ERI2: variants seen among roughly 807,000 people sequenced by gnomAD.
The protein encoded by ERI2 is ERI1 exoribonuclease 2.
In ERI2, 35 loss-of-function variants were observed where a neutral mutation model predicts 46.8. The ratio of observed to expected loss-of-function variants is 0.75; its 90% confidence interval spans 0.57 to 0.99. ERI2 has a LOEUF of 0.99. Among genes scored for constraint, ERI2 ranks in the 50% least tolerant of loss-of-function variants. The pLI is 0.00. For missense variants in ERI2, 695 were observed against 796.2 expected, an observed-to-expected ratio of 0.87 and a Z score of 1.53; for synonymous variants, 224 against 271.0, an observed-to-expected ratio of 0.83 and a Z score of 1.70.
Position 20,798,418 on chromosome 16 carries a change from A to G in ERI2, c.1382T>C (p.Ile461Thr). The change falls in exon 9 of 9, where the codon ATA becomes ACA. Residue 461 changes from isoleucine to threonine, a missense_variant. Ile to Thr is a moderately conservative substitution (Grantham distance 89). Coordinates refer to ENST00000357967, the MANE Select transcript of ERI2 (RefSeq NM_001142725.2). ...CTCAGATTTTTGAGGAGTTTCCTCT[A>G]TGTCTCCAAAGTTTTCATGACTTGA... ...EMSSHENFGDIEETPQKSETS... is the reference protein window; with the variant it reads ...EMSSHENFGDTEETPQKSETS... 1 of 1,550,662 alleles carries G rather than the reference A, an allele frequency of 6.4e-7. No individual in the cohort carries two copies.
At position 20,786,318 on chromosome 16, in the gene ERI2, T is replaced by C. The variant is rs1014405114; in HGVS notation, c.894+3161A>G. ...AATATGTGAAAATGATTAGAAATGT[T>C]AGCTTCTTGGTCTCCATTATTTTGC... On this transcript the variant is annotated intron_variant, in intron 10 of 10. Transcript: ENST00000300005. The C allele has an allele frequency of 4.4e-6, 6 of 1,356,478 alleles. No individual in the cohort carries two copies. The Admixed American group carries it at 1.3e-4, about 29-fold the overall frequency. 84.0% of individuals were successfully genotyped at this position (1,356,478 alleles called of 1,614,324 possible).
At chr16:20,788,414 G>A (rs1053519886) in intron 10 of ERI2, among the ~76,000 whole-genome samples, 2 of 152,130 alleles carry the variant, frequency 1.3e-5, no homozygotes, top group African/African-American at 4.8e-5. Flanking sequence ...ATTAATTTGA[G>A]CCCAGTGGTT....
chr16:20,798,631 A>G lies in ERI2; in HGVS notation c.1169T>C (p.Val390Ala). 1.3e-6 allele frequency: 2 copies of G among 1,551,666 alleles called. No individual in the cohort carries two copies. Among genetic ancestry groups the G allele is most frequent in the Non-Finnish European group, 1.7e-6 (2 of 1,146,934 alleles). The change falls in exon 9 of 9, where the codon GTT (valine) becomes GCT (alanine). Residue 390 changes from valine to alanine, a missense_variant. Val to Ala is a moderately conservative substitution (Grantham distance 64). Transcript: ENST00000357967. ...AGTAGAGCTCATTTCCAAATCAGAA[A>G]CATGATGAACAGTTGGAACGGTGGT... Reference protein sequence around the residue: ...VSTTVPTVHHVSDLEMSSTLD... With the variant: ...VSTTVPTVHHASDLEMSSTLD...
intron 10 of ERI2, chr16:20,781,807 A>T (rs13306604): frequency 0.14 from 221,034 of 1,562,098 alleles, 16,404 homozygotes; most frequent in Middle Eastern, 0.23. Context: ...GTTAGTAAAT[A>T]GGCATCTAGT....
exon 11 of ERI2, chr16:20,780,480 C>A: frequency 1.3e-6 from 1 of 753,506 alleles, no homozygotes; most frequent in Non-Finnish European, 2.1e-6. Context: ...GAATAAAAAG[C>A]TAGGAAAGCA....
chr16:20,801,122 G>T, intron 5 of ERI2, 81 bp downstream of exon 5: 1 of 1,224,600 alleles, frequency 8.2e-7, no homozygotes, highest in Non-Finnish European at 1.1e-6. Context: ...TTCTAGGTTA[G>T]CAAGTATAAA....
Position 20,796,584 on chromosome 16 carries a change from C to T in ERI2, c.*1140G>A. 6.4e-7 allele frequency: 1 copy of T among 1,572,776 alleles called. No homozygotes were observed. On this transcript the variant is annotated 3_prime_UTR_variant, in exon 9 of 9. Transcript: ENST00000357967. ...TTAATGAATATTTTCTTCACACATG[C>T]TGCACCACATGTCCCAAACTGAACT...
At chr16:20,803,151 A>AAATATAAAAACCATATGG (rs1467718453) in intron 3 of ERI2, among the ~76,000 whole-genome samples, 1 of 152,260 alleles carries the variant, frequency 6.6e-6, no homozygotes, top group South Asian at 2.1e-4. Flanking sequence ...ATAATTAAAT[A>AAATATAAAAACCATATGG]AATATAAAAA....
chr16:20,801,306 T>A lies in ERI2; in HGVS notation c.357A>T (p.Lys119Asn). The A allele has an allele frequency of 6.2e-7, 1 of 1,611,988 alleles. No homozygotes were observed. Among genetic ancestry groups the A allele is most frequent in the South Asian group, 1.1e-5 (1 of 90,600 alleles). Residue 119 changes from lysine (K) to asparagine (N), a missense_variant, in exon 5 of 9, where the codon AAA becomes AAT. Physicochemically the swap from Lys to Asn is moderately conservative, Grantham distance 94. Coordinates refer to ENST00000357967, the MANE Select transcript of ERI2 (RefSeq NM_001142725.2). ...TCTGTTGCTGAATCTTATGAATCCA[T>A]TTACAGAACTGAGATAAGCAAATCT... is the stretch of plus-strand genomic sequence containing the variant. The part of the protein sequence containing the change: ...PLKICLSQFC[K>N]WIHKIQQQKN...
In ERI2 at chr16:20,799,020, TG is replaced by T; in HGVS notation, c.779del (p.Thr260LysfsTer27). 1 of 1,526,708 alleles carries T rather than the reference TG, an allele frequency of 6.6e-7. No homozygotes were observed. Among genetic ancestry groups the T allele is most frequent in the Non-Finnish European group, 8.8e-7 (1 of 1,140,160 alleles). The allele number at this position is 1,526,708 out of a possible 1,614,324, so 94.6% of individuals were successfully genotyped here. A position where few individuals can be genotyped will look rare whatever the true frequency, so the allele number is the denominator to read the frequency against. On this transcript the variant is annotated frameshift_variant, in exon 9 of 9. Coordinates refer to ENST00000357967, the MANE Select transcript of ERI2 (RefSeq NM_001142725.2). LOFTEE classifies it low-confidence loss of function (END_TRUNC). ...AGGCAGACATTTCTTCAACTTGAAT[TG>T]TATTCAAATTTCTGGCCAGAATGCT... is the stretch of plus-strand genomic sequence containing the variant. The part of the protein sequence containing the change: ...NFSILARNLN[T>X]IQVEEMSACN...
intron 1 of ERI2, chr16:20,806,126 G>A (rs1413359041): frequency 1.5e-6 from 2 of 1,342,508 alleles, no homozygotes; most frequent in Non-Finnish European, 1.9e-6. Flanking sequence ...GTTTCCCAAG[G>A]CCTAAAATAG....
rs749677736 is a variant in ERI2 at position 20,799,361 on chromosome 16, C to A, written c.644-10G>T. Reference sequence around the variant, plus strand: ...CGAGAATCGTCCAACCCTGAGGATACAGATATCAAACACTGAATTTAGTGG... The same window carrying A: ...CGAGAATCGTCCAACCCTGAGGATAAAGATATCAAACACTGAATTTAGTGG... On this transcript the variant is annotated splice_polypyrimidine_tract_variant and intron_variant, in intron 7 of 8. Transcript: ENST00000357967. 1.2e-6 allele frequency: 2 copies of A among 1,612,456 alleles called. No homozygotes were observed. The highest frequency in any genetic ancestry group is 2.2e-5 in the South Asian group (2 of 90,890).
chr16:20,791,523 G>A (rs1035376211), downstream of ERI2, among the ~76,000 whole-genome samples: 2 of 152,150 alleles, frequency 1.3e-5, no homozygotes, highest in African/African-American at 4.8e-5. Context: ...CCTTTCTTCT[G>A]TCGGGCTAGC....
downstream of ERI2, among the ~76,000 whole-genome samples, chr16:20,793,978 G>A (rs570289227): frequency 3.0e-3 from 460 of 152,288 alleles, 1 homozygote; most frequent in Admixed American, 4.9e-3. Flanking sequence ...TCACAGCTCC[G>A]GGGGCTTGGC....
Position 20,799,269 on chromosome 16 carries a change from C to T in ERI2, c.726G>A (p.Leu242=), listed in dbSNP as rs749767963. The T allele has an allele frequency of 1.2e-6, 2 of 1,613,504 alleles. No individual in the cohort carries two copies. Among genetic ancestry groups the T allele is most frequent in the Non-Finnish European group, 1.7e-6 (2 of 1,179,660 alleles). Reference sequence around the variant, plus strand: ...AAGGCAAGACACTACTAACCTTGTTCAACGACCTTGTAATTTTCATTACAC... The same window carrying T: ...AAGGCAAGACACTACTAACCTTGTTTAACGACCTTGTAATTTTCATTACAC... ...DGCVMKITRS[L]NKVPTKKNFS... is the part of the protein sequence containing the mutation. Residue 242 remains leucine, a synonymous_variant, in exon 8 of 9, where the codon TTG becomes TTA. Coordinates refer to ENST00000357967, the MANE Select transcript of ERI2 (RefSeq NM_001142725.2).
At chr16:20,786,054 T>G (rs762548951) in intron 10 of ERI2, 2 of 1,448,420 alleles carry the variant, frequency 1.4e-6, no homozygotes, top group South Asian at 1.3e-5. Flanking sequence ...TAATGTTATC[T>G]TACTTTTTCT....
At chr16:20,800,447 AT>A in intron 5 of ERI2, 45 bp from the exon 6 acceptor site, 1 of 1,183,330 alleles carries the variant, frequency 8.5e-7, no homozygotes, top group Non-Finnish European at 1.2e-6. Flanking sequence ...TGATGCCAGC[AT>A]TTTTTACTTA....
intron 10 of ERI2, chr16:20,784,968 C>A: frequency 6.2e-7 from 1 of 1,603,614 alleles, no homozygotes; most frequent in South Asian, 1.1e-5. Context: ...TCTAACTTAT[C>A]TGGTTTTCTG....
In ERI2 at chr16:20,796,522, A is replaced by G. The variant is rs747647355; in HGVS notation, c.*1202T>C. 4 of 1,606,172 alleles carry G rather than the reference A, an allele frequency of 2.5e-6. No individual in the cohort carries two copies. The highest frequency in any genetic ancestry group is 3.4e-6 in the Non-Finnish European group (4 of 1,178,498). ...TCCTAATTATAACGAATATTTGCTC[A>G]GTGTTGTGGACAATTTCAAGTGTTT... On this transcript the variant is annotated 3_prime_UTR_variant, in exon 9 of 9. Coordinates refer to ENST00000357967, the MANE Select transcript of ERI2 (RefSeq NM_001142725.2).
Sources: allele counts gnomAD v4.1 joint callset (sites outside exome capture counted in the v4.1 genomes callset), GRCh38; gene constraint gnomAD v4.1.1; transcripts MANE v1.5; gene names NCBI Gene and HGNC (gene_info 2026-07-23, HGNC 2026-07-21).